The following NCALD variants were observed in gnomAD, a reference collection of about 807,000 sequenced individuals.
The protein encoded by NCALD is neurocalcin-delta.
In NCALD, 10 loss-of-function variants were observed where a neutral mutation model predicts 18.6. The observed-to-expected ratio is 0.54, with a 90% CI of 0.33 to 0.91. The LOEUF is 0.91. NCALD is among the 40% of genes least tolerant of loss of function. The pLI is 0.03. For missense variants in NCALD, 184 were observed against 247.6 expected, an observed-to-expected ratio of 0.74 and a Z score of 1.72; for synonymous variants, 88 against 87.4, an observed-to-expected ratio of 1.01 and a Z score of -0.04.
rs920600057 is a variant in NCALD, at chr8:101,688,380, C to T, written c.*929G>A. ...TATGGAATATATAAAATATACTTGTCGATTGGTACATTTGTGCAAAGACAG... is the reference window on the plus strand; with the variant it reads ...TATGGAATATATAAAATATACTTGTTGATTGGTACATTTGTGCAAAGACAG... On this transcript the variant is annotated 3_prime_UTR_variant, in exon 4 of 4. Transcript: ENST00000220931. 6 of 237,474 alleles carry T rather than the reference C, an allele frequency of 2.5e-5. No individual in the cohort carries two copies. Among genetic ancestry groups the T allele is most frequent in the Non-Finnish European group, 3.4e-5 (4 of 116,854 alleles). The allele number at this position is 237,474 out of a possible 1,614,324, so 14.7% of individuals were successfully genotyped here. A position where few individuals can be genotyped will look rare whatever the true frequency, so the allele number is the denominator to read the frequency against.
At position 101,988,047 on chromosome 8, in the gene NCALD, C is replaced by G. The variant is rs550041857; in HGVS notation, c.-157+32190G>C. Among the ~76,000 whole-genome samples, 40 of 150,270 alleles carry G rather than the reference C, an allele frequency of 2.7e-4. 1 individual carries two copies. In the South Asian group the frequency reaches 8.2e-3, roughly 31 times the overall value. ...GCGGGCGCCTGTAGTCCCAGCTACT[C>G]GGGAGGCTGAGGCAGGAGAATGGCG... is the stretch of plus-strand genomic sequence containing the variant. On this transcript the variant is annotated intron_variant, in intron 2 of 6. Transcript: ENST00000311028.
At chr8:102,053,941 A>G (rs1331122746) in intron 1 of NCALD, among the ~76,000 whole-genome samples, 2 of 152,068 alleles carry the variant, frequency 1.3e-5, no homozygotes, top group Non-Finnish European at 2.9e-5. Flanking sequence ...AATGCTTTAC[A>G]TCTTTCTTTC....
At chr8:101,952,822 G>T (rs1403650379) in intron 2 of NCALD, among the ~76,000 whole-genome samples, 1 of 152,212 alleles carries the variant, frequency 6.6e-6, no homozygotes, top group Non-Finnish European at 1.5e-5. Flanking sequence ...TCTGCAGCTT[G>T]TGAAGATGAG....
chr8:101,706,317 T>TAA (rs1261711377), intron 2 of NCALD, among the ~76,000 whole-genome samples: 5 of 146,018 alleles, frequency 3.4e-5, no homozygotes, highest in East Asian at 2.0e-4. Flanking sequence ...TAAGACTATT[T>TAA]AAAAAAAAAA....
At chr8:101,748,006 C>T (rs1810498412) in intron 1 of NCALD, among the ~76,000 whole-genome samples, 1 of 152,140 alleles carries the variant, frequency 6.6e-6, no homozygotes, top group Admixed American at 6.5e-5. Context: ...GCATGAACCA[C>T]CGCACCCAGT....
intron 3 of NCALD, chr8:101,690,541 C>G: frequency 1.0e-6 from 1 of 985,412 alleles, no homozygotes; most frequent in Non-Finnish European, 1.2e-6. Flanking sequence ...TCTTTTATTT[C>G]TCAACTTACT....
intron 1 of NCALD, among the ~76,000 whole-genome samples, chr8:102,059,658 A>C (rs1823771507): frequency 6.6e-6 from 1 of 152,238 alleles, no homozygotes; most frequent in African/African-American, 2.4e-5. Context: ...ACATTTAGGA[A>C]AGGAAAAGAT....
chr8:101,875,950 T>C (rs950460975), intron 4 of NCALD, among the ~76,000 whole-genome samples: 1 of 152,230 alleles, frequency 6.6e-6, no homozygotes, highest in African/African-American at 2.4e-5. Context: ...TCTCTATTGT[T>C]TTTATGAGAG....
At chr8:101,772,349 G>A (rs1013549869) in intron 1 of NCALD, among the ~76,000 whole-genome samples, 2 of 152,142 alleles carry the variant, frequency 1.3e-5, no homozygotes, top group Admixed American at 6.5e-5. Context: ...GGGAAATGCC[G>A]ACAGGCCCAC....
intron 4 of NCALD, among the ~76,000 whole-genome samples, chr8:101,850,966 G>A (rs1472811930): frequency 6.6e-6 from 1 of 152,132 alleles, no homozygotes; most frequent in Non-Finnish European, 1.5e-5. Context: ...ATGGCCAAAT[G>A]CATTTGAGAA....
intron 4 of NCALD, among the ~76,000 whole-genome samples, chr8:101,804,598 T>G (rs867681040): frequency 7.6e-6 from 1 of 131,222 alleles, no homozygotes; most frequent in African/African-American, 3.0e-5. Context: ...AATATATAAT[T>G]AATATAATTA....
intron 2 of NCALD, chr8:101,950,405 G>A (rs540333527): frequency 3.2e-4 from 49 of 152,298 alleles, no homozygotes; most frequent in African/African-American, 1.2e-3. Flanking sequence ...ATGAAATTTT[G>A]TTGGGACCAA....
intron 1 of NCALD, among the ~76,000 whole-genome samples, chr8:102,037,160 CA>C (rs1437030304): frequency 6.6e-6 from 1 of 152,134 alleles, no homozygotes; most frequent in Non-Finnish European, 1.5e-5. Context: ...TATTAAATGG[CA>C]GGCTCTATTT....
chr8:102,088,862 G>C (rs1327561125), intron 1 of NCALD, among the ~76,000 whole-genome samples: 2 of 152,164 alleles, frequency 1.3e-5, no homozygotes, highest in East Asian at 3.8e-4. Flanking sequence ...TGACTTTGGG[G>C]AGCATCAGAA....
Position 101,689,489 on chromosome 8 carries a change from T to G in NCALD, c.485-83A>C. ...CTTCCCACTACTGCGTGCTGGGCAG[T>G]GTCGATTCACCTGCCTGCAGCCTCA... On this transcript the variant is annotated intron_variant, in intron 3 of 3. Transcript: ENST00000220931. The surrounding 1 kb of genome is among the most constrained non-coding windows in gnomAD (Gnocchi z 4.4). 3.7e-6 allele frequency: 4 copies of G among 1,082,952 alleles called. No homozygotes were observed. The highest frequency in any genetic ancestry group is 1.6e-5 in the African/African-American group (1 of 64,092). The allele number at this position is 1,082,952 out of a possible 1,614,324, so 67.1% of individuals were successfully genotyped here.
chr8:101,799,870 T>A (rs747432698), intron 4 of NCALD, among the ~76,000 whole-genome samples: 14 of 152,228 alleles, frequency 9.2e-5, no homozygotes, highest in African/African-American at 1.7e-4. Context: ...AATATCAATA[T>A]CCTGATTGTA....
chr8:101,740,351 A>G (rs1810133514), intron 1 of NCALD, among the ~76,000 whole-genome samples: 1 of 152,238 alleles, frequency 6.6e-6, no homozygotes, highest in African/African-American at 2.4e-5. Flanking sequence ...GATCCTTGAA[A>G]TATCATGAGA....
intron 3 of NCALD, among the ~76,000 whole-genome samples, chr8:101,888,089 G>T (rs1485294855): frequency 1.3e-5 from 2 of 152,160 alleles, no homozygotes; most frequent in African/African-American, 4.8e-5. Flanking sequence ...ATCGGCCACT[G>T]TATTTTGGGG....
At chr8:101,732,587 T>C (rs1816884104) in intron 1 of NCALD, among the ~76,000 whole-genome samples, 1 of 141,776 alleles carries the variant, frequency 7.1e-6, no homozygotes, top group African/African-American at 2.7e-5. Flanking sequence ...TTCTTTTTCT[T>C]TGCTTTTTTT....
Sources: allele counts gnomAD v4.1 joint callset (sites outside exome capture counted in the v4.1 genomes callset), GRCh38; gene constraint gnomAD v4.1.1; non-coding constraint Gnocchi (gnomAD v3.1); transcripts MANE v1.5; gene names NCBI Gene and HGNC (gene_info 2026-07-23, HGNC 2026-07-21).